MAP2: variants seen among roughly 807,000 people sequenced by gnomAD.
MAP2 encodes the protein microtubule-associated protein 2.
Under a neutral mutation model 137.6 loss-of-function variants are expected in MAP2, and 14 were observed. The ratio of observed to expected loss-of-function variants is 0.10; its 90% CI spans 0.07 to 0.16. The LOEUF (loss-of-function observed/expected upper bound fraction) is 0.16, where lower values mean the gene tolerates loss of function less well. MAP2 is among the 10% of genes least tolerant of loss of function. MAP2 has a pLI of 1.00. For synonymous variants in MAP2, 786 were observed against 782.3 expected, an observed-to-expected ratio of 1.00 and a Z score of -0.08; for missense variants, 2,088 against 2,191.5, an observed-to-expected ratio of 0.95 and a Z score of 0.94.
At chr2:209,549,080 A>G (rs1005687991) in intron 2 of MAP2, among the ~76,000 whole-genome samples, 2 of 152,178 alleles carry the variant, frequency 1.3e-5, no homozygotes, top group African/African-American at 4.8e-5. Flanking sequence ...TAGCTGCTAC[A>G]TGTTCAGCCG....
chr2:209,584,422 TAAAGTTGTATCATACGAA>T (rs1364853848), intron 3 of MAP2, among the ~76,000 whole-genome samples: 1 of 152,180 alleles, frequency 6.6e-6, no homozygotes, highest in Non-Finnish European at 1.5e-5. Context: ...TCTTAGAAGA[TAAAGTTGTATCATACGAA>T]ATGGCTAATA....
chr2:209,631,485 G>T (rs1281429713), intron 4 of MAP2, among the ~76,000 whole-genome samples: 1 of 152,008 alleles, frequency 6.6e-6, no homozygotes, highest in Non-Finnish European at 1.5e-5. Flanking sequence ...TGTGGACCTG[G>T]CTGTTCCTGA....
intron 2 of MAP2, among the ~76,000 whole-genome samples, chr2:209,568,195 T>C (rs888975159): frequency 1.3e-5 from 2 of 151,990 alleles, no homozygotes; most frequent in Non-Finnish European, 2.9e-5. Context: ...ACATATGTAA[T>C]TCCTGGTGAC....
At chr2:209,581,603 AT>A (rs1445616831) in intron 3 of MAP2, among the ~76,000 whole-genome samples, 1 of 152,122 alleles carries the variant, frequency 6.6e-6, no homozygotes, top group Non-Finnish European at 1.5e-5. Context: ...AAAAAAATCT[AT>A]TTGGTATTTG....
chr2:209,589,203 A>G (rs1169790186), intron 3 of MAP2, among the ~76,000 whole-genome samples: 1 of 152,172 alleles, frequency 6.6e-6, no homozygotes, highest in Admixed American at 6.6e-5. Context: ...CTTTTAAGTA[A>G]TATGAAACAT....
intron 5 of MAP2, among the ~76,000 whole-genome samples, chr2:209,675,501 GT>G (rs2153673455): frequency 6.6e-6 from 1 of 151,900 alleles, no homozygotes; most frequent in East Asian, 1.9e-4. Context: ...CTGGAGACAG[GT>G]AATACTTCTA....
chr2:209,434,296 C>T (rs1695111547), intron 1 of MAP2, among the ~76,000 whole-genome samples: 1 of 151,754 alleles, frequency 6.6e-6, no homozygotes, highest in Admixed American at 6.6e-5. Flanking sequence ...TAAGCATGCC[C>T]TCAATAAACA....
intron 4 of MAP2, among the ~76,000 whole-genome samples, chr2:209,634,086 A>G (rs2093344371): frequency 6.6e-6 from 1 of 152,164 alleles, no homozygotes; most frequent in South Asian, 2.1e-4. Flanking sequence ...GGGCATGAAG[A>G]GAGAAATTCA....
intron 2 of MAP2, among the ~76,000 whole-genome samples, chr2:209,573,144 T>G (rs942586682): frequency 2.0e-5 from 3 of 152,212 alleles, no homozygotes; most frequent in African/African-American, 7.2e-5. Context: ...TCTAACAATT[T>G]GTAATAATCT....
At chr2:209,562,694 CA>C (rs1227431659) in intron 2 of MAP2, among the ~76,000 whole-genome samples, 12 of 141,548 alleles carry the variant, frequency 8.5e-5, no homozygotes, top group East Asian at 6.3e-4. Context: ...GAGACTCTGT[CA>C]AAAAAAAAAC....
At chr2:209,480,700 G>C (rs553666570) in intron 1 of MAP2, among the ~76,000 whole-genome samples, 2 of 152,042 alleles carry the variant, frequency 1.3e-5, no homozygotes, top group South Asian at 4.1e-4. Context: ...TAATAATCAG[G>C]CTCTTTCACC....
rs375348538 is a variant in MAP2, at chr2:209,680,743, T to G, written c.377-7T>G. 6.2e-6 allele frequency: 10 copies of G among 1,612,236 alleles called. No individual in the cohort carries two copies. The highest frequency in any genetic ancestry group is 7.6e-6 in the Non-Finnish European group (9 of 1,178,528). Reference sequence around the variant, plus strand: ...TGCATCTCATTTTTCTATTGTTTGATCTTTAGCAGCTGAAGAAACAGCTAA... The same window carrying G: ...TGCATCTCATTTTTCTATTGTTTGAGCTTTAGCAGCTGAAGAAACAGCTAA... On this transcript the variant is annotated splice_region_variant and splice_polypyrimidine_tract_variant and intron_variant, in intron 6 of 15. Coordinates refer to ENST00000682079, the MANE Select transcript of MAP2 (RefSeq NM_001375505.1).
chr2:209,603,300 C>T (rs1219926866), intron 3 of MAP2, among the ~76,000 whole-genome samples: 1 of 152,098 alleles, frequency 6.6e-6, no homozygotes, highest in Non-Finnish European at 1.5e-5. Flanking sequence ...TACCATGTTT[C>T]CCACGAAAGA....
At chr2:209,603,462 C>A (rs1375124622) in intron 3 of MAP2, among the ~76,000 whole-genome samples, 1 of 152,070 alleles carries the variant, frequency 6.6e-6, no homozygotes, top group Non-Finnish European at 1.5e-5. Context: ...TGTGCATGAA[C>A]AATCTGCCCC....
In MAP2 at chr2:209,480,528, A is replaced by G. The variant is rs191524992; in HGVS notation, c.-221-27064A>G. 3.1e-3 allele frequency among the ~76,000 whole-genome samples: 416 copies of G among 133,970 alleles called. 2 individuals are homozygous for G. Among genetic ancestry groups the G allele is most frequent in the African/African-American group, 0.01 (396 of 38,856 alleles). The allele number at this position is 133,970 out of a possible 152,430, so 87.9% of individuals were successfully genotyped here. A position where few individuals can be genotyped will look rare whatever the true frequency, so the allele number is the denominator to read the frequency against. The stretch of plus-strand genomic sequence containing the variant: ...TTTTCCTTAGTAACTTGCAATTAAG[A>G]TGATCTAAAGTTTGTTTGTTTGTTT... On this transcript the variant is annotated intron_variant, in intron 1 of 15. Coordinates refer to ENST00000682079, the MANE Select transcript of MAP2 (RefSeq NM_001375505.1).
intron 13 of MAP2, among the ~76,000 whole-genome samples, chr2:209,724,340 T>C (rs776216660): frequency 2.6e-5 from 4 of 152,144 alleles, no homozygotes; most frequent in Admixed American, 6.5e-5. Context: ...TAAGTGTGAT[T>C]GAGGCAGAAT....
In MAP2 at chr2:209,695,205, C is replaced by A; in HGVS notation, c.3035C>A (p.Ser1012Tyr). Residue 1012 changes from serine to tyrosine, a missense_variant, in exon 8 of 16, where the codon TCT becomes TAT. By Grantham distance (144) the Ser-to-Tyr change is moderately radical. Transcript: ENST00000682079. ...TTGTCAATACCAACAGATGCATCCT[C>A]TGAGAAAGCAGAGAAGGGTCTTAGT... ...KDLSIPTDASSEKAEKGLSSV... is the reference protein window; with the variant it reads ...KDLSIPTDASYEKAEKGLSSV... 1 of 1,614,140 alleles carries A rather than the reference C, an allele frequency of 6.2e-7. No homozygotes were observed. Among genetic ancestry groups the A allele is most frequent in the Non-Finnish European group, 8.5e-7 (1 of 1,180,034 alleles).
chr2:209,684,040 A>G (rs953510575), intron 7 of MAP2, among the ~76,000 whole-genome samples: 1 of 152,180 alleles, frequency 6.6e-6, no homozygotes, highest in Non-Finnish European at 1.5e-5. Context: ...TTTGATGAAA[A>G]AAAAGGAAAC....
At chr2:209,724,131 T>G (rs888892953) in intron 13 of MAP2, among the ~76,000 whole-genome samples, 1 of 152,214 alleles carries the variant, frequency 6.6e-6, no homozygotes, top group African/African-American at 2.4e-5. Context: ...ATGTCAATCT[T>G]CAGTGGTTCA....
Sources: allele counts gnomAD v4.1 joint callset (sites outside exome capture counted in the v4.1 genomes callset), GRCh38; gene constraint gnomAD v4.1.1; transcripts MANE v1.5; gene names NCBI Gene and HGNC (gene_info 2026-07-23, HGNC 2026-07-21).